Variants in PKN2 observed in about 807,000 individuals in gnomAD.
PKN2 encodes serine/threonine-protein kinase N2.
Under a neutral mutation model 119.1 loss-of-function variants are expected in PKN2, and 38 were observed. The ratio of observed to expected loss-of-function variants is 0.32; its 90% CI spans 0.25 to 0.42. PKN2 has a LOEUF of 0.42. Ranked by LOEUF, PKN2 falls within the 10% of genes least tolerant of loss-of-function variation. The pLI is 1.00. For missense variants in PKN2, 850 were observed against 1,165.1 expected (o/e 0.73, Z 3.94); for synonymous variants, 390 against 384.9 (o/e 1.01, Z -0.15).
intron 1 of PKN2, among the ~76,000 whole-genome samples, chr1:88,734,176 A>G (rs1309669777): frequency 6.6e-6 from 1 of 151,806 alleles, no homozygotes; most frequent in Non-Finnish European, 1.5e-5. Flanking sequence ...AAAAAAAAAA[A>G]ATTTGGAGCG....
At chr1:88,749,545 G>T (rs140044334) in intron 2 of PKN2, among the ~76,000 whole-genome samples, 1 of 152,248 alleles carries the variant, frequency 6.6e-6, no homozygotes, top group East Asian at 1.9e-4. Context: ...ATATGACAAG[G>T]GCTATCGCAA....
chr1:88,801,885 G>A (rs1253464039), intron 8 of PKN2, among the ~76,000 whole-genome samples: 1 of 152,198 alleles, frequency 6.6e-6, no homozygotes, highest in African/African-American at 2.4e-5. Context: ...ATTGGCTGGA[G>A]CTGGACCTCA....
intron 8 of PKN2, among the ~76,000 whole-genome samples, chr1:88,788,584 T>C (rs1296533658): frequency 6.6e-6 from 1 of 152,144 alleles, no homozygotes; most frequent in African/African-American, 2.4e-5. Context: ...TAGCTGGGAT[T>C]ACAGGCATGT....
At chr1:88,684,702 G>C in intron 1 of PKN2, 74 bp downstream of exon 1, 1 of 1,329,672 alleles carries the variant, frequency 7.5e-7, no homozygotes, top group Non-Finnish European at 9.9e-7. Flanking sequence ...GTCGGGGACC[G>C]AGGAAAGCCC....
At chr1:88,752,541 TA>T (rs936325959) in intron 2 of PKN2, among the ~76,000 whole-genome samples, 1 of 152,116 alleles carries the variant, frequency 6.6e-6, no homozygotes, top group African/African-American at 2.4e-5. Context: ...GCTATATTTT[TA>T]AAAAATTTGC....
intron 6 of PKN2, among the ~76,000 whole-genome samples, chr1:88,779,054 A>C (rs1670221499): frequency 6.6e-6 from 1 of 152,206 alleles, no homozygotes; most frequent in African/African-American, 2.4e-5. Context: ...AATAATGGCA[A>C]GCTGTTGGTG....
chr1:88,832,539 T>G (rs1672771327), intron 19 of PKN2, among the ~76,000 whole-genome samples: 1 of 152,062 alleles, frequency 6.6e-6, no homozygotes, highest in Non-Finnish European at 1.5e-5. Context: ...GTATTCCCTC[T>G]GTAATAGATA....
At chr1:88,805,371 T>G in intron 10 of PKN2, 126 bp from the exon 11 acceptor site, 1 of 805,342 alleles carries the variant, frequency 1.2e-6, no homozygotes, top group South Asian at 2.2e-5. Flanking sequence ...AAACTAGTTT[T>G]TTTAAGTGAC....
chr1:88,773,106 T>C (rs1442596669), intron 6 of PKN2, among the ~76,000 whole-genome samples: 1 of 152,216 alleles, frequency 6.6e-6, no homozygotes, highest in Non-Finnish European at 1.5e-5. Flanking sequence ...TTAAAATCTG[T>C]TTTGTCTGAT....
At chr1:88,752,012 A>G (rs1669021903) in intron 2 of PKN2, among the ~76,000 whole-genome samples, 1 of 152,094 alleles carries the variant, frequency 6.6e-6, no homozygotes. Context: ...ATAATGGCGT[A>G]GATTTCGTTT....
chr1:88,705,118 C>G (rs1290086817), intron 1 of PKN2, among the ~76,000 whole-genome samples: 1 of 149,332 alleles, frequency 6.7e-6, no homozygotes, highest in African/African-American at 2.5e-5. Flanking sequence ...TGTAGCTTAT[C>G]TTTTCTTTTC....
At chr1:88,694,705 A>G (rs540492083) in intron 1 of PKN2, among the ~76,000 whole-genome samples, 2 of 152,270 alleles carry the variant, frequency 1.3e-5, no homozygotes, top group African/African-American at 4.8e-5. Context: ...GAGTGCCCGA[A>G]CTATTTTGTA....
chr1:88,717,162 C>T (rs1667488736), intron 1 of PKN2, among the ~76,000 whole-genome samples: 1 of 152,156 alleles, frequency 6.6e-6, no homozygotes, highest in Non-Finnish European at 1.5e-5. Flanking sequence ...GCCAAGAGAT[C>T]AGCTGTTAGT....
At chr1:88,743,568 G>T (rs1422176690) in intron 2 of PKN2, among the ~76,000 whole-genome samples, 1 of 151,984 alleles carries the variant, frequency 6.6e-6, no homozygotes, top group Non-Finnish European at 1.5e-5. Context: ...GTGCTACTTT[G>T]TCCATTCATT....
At chr1:88,830,368 C>T (rs1375530722) in intron 19 of PKN2, among the ~76,000 whole-genome samples, 1 of 152,134 alleles carries the variant, frequency 6.6e-6, no homozygotes, top group Admixed American at 6.6e-5. Context: ...TCCACAGTGG[C>T]TTTTACTTTC....
intron 6 of PKN2, among the ~76,000 whole-genome samples, chr1:88,781,883 A>G (rs138821392): frequency 6.6e-6 from 1 of 152,250 alleles, no homozygotes; most frequent in East Asian, 1.9e-4. Context: ...TCAAAATGAT[A>G]TAATTAATGT....
At chr1:88,731,907 G>C (rs973822351) in intron 1 of PKN2, among the ~76,000 whole-genome samples, 5 of 152,102 alleles carry the variant, frequency 3.3e-5, no homozygotes, top group East Asian at 1.9e-4. Context: ...TGAGTTTGTT[G>C]AAGTATATTA....
chr1:88,691,953 T>C (rs1322600565), intron 1 of PKN2, among the ~76,000 whole-genome samples: 1 of 152,174 alleles, frequency 6.6e-6, no homozygotes, highest in Non-Finnish European at 1.5e-5. Flanking sequence ...AGTATGTATG[T>C]TAAAGGAAAA....
intron 8 of PKN2, among the ~76,000 whole-genome samples, chr1:88,798,662 A>G (rs1199193168): frequency 6.6e-6 from 1 of 152,190 alleles, no homozygotes; most frequent in Non-Finnish European, 1.5e-5. Context: ...TGAAAGAAAG[A>G]TTAAGAGACA....
Sources: allele counts gnomAD v4.1 joint callset (sites outside exome capture counted in the v4.1 genomes callset), GRCh38; gene constraint gnomAD v4.1.1; transcripts MANE v1.5; gene names NCBI Gene and HGNC (gene_info 2026-07-23, HGNC 2026-07-21).